FBH1: variants seen among roughly 807,000 people sequenced by gnomAD.
FBH1 encodes the protein DNA 3'-5' helicase 1.
FBH1 carries 43 observed loss-of-function variants against 115.5 expected under a neutral mutation model. The observed-to-expected ratio is 0.37, with a 90% confidence interval of 0.29 to 0.48. The LOEUF (loss-of-function observed/expected upper bound fraction) is 0.48, where lower values mean the gene tolerates loss of function less well. FBH1 is among the 20% of genes least tolerant of loss of function. FBH1 has a pLI of 0.99. For synonymous variants in FBH1, 524 were observed against 507.8 expected (o/e 1.03, Z -0.43); for missense variants, 1,001 against 1,337.3 (o/e 0.75, Z 3.92).
rs1490650399 is a variant in FBH1 at position 5,900,369 on chromosome 10, T to G, written c.2-2651T>G. Among the ~76,000 whole-genome samples, 1 of 152,228 alleles carries G rather than the reference T, an allele frequency of 6.6e-6. No individual in the cohort carries two copies. Among genetic ancestry groups the G allele is most frequent in the Non-Finnish European group, 1.5e-5 (1 of 68,028 alleles). ...TGGTATGGCCGTAGACCTATCAGAC[T>G]TAGAGACCTGAGGTGCCCTGAAGCC... On this transcript the variant is annotated intron_variant, in intron 1 of 20. Transcript: ENST00000362091. The surrounding 1 kb of genome is among the most constrained non-coding windows in gnomAD (Gnocchi z 4.2).
At chr10:5,916,671 AG>A (rs1211685998) in intron 10 of FBH1, among the ~76,000 whole-genome samples, 1 of 129,426 alleles carries the variant, frequency 7.7e-6, no homozygotes, top group African/African-American at 4.4e-5. Context: ...ATGGGGGATC[AG>A]GGGAAGTGTT....
chr10:5,909,252 G>T lies in FBH1; in HGVS notation c.978G>T (p.Ala326=), dbSNP rs536473096. The change falls in exon 5 of 21, where the codon GCG becomes GCT. Residue 326 remains alanine (A), a synonymous_variant. Coordinates refer to ENST00000362091, the MANE Select transcript of FBH1 (RefSeq NM_178150.3). This position sits in a 1 kb window ranked among gnomAD's most constrained non-coding sequence, Gnocchi z 4.4. ...RDHPLLPEAE[A]CVRQHLPDLY... ...ACCCCCTCCTCCCCGAGGCTGAGGC[G>T]TGTGTGCGGCAACACCTCCCCGACC... 31 of 1,612,564 alleles carry T rather than the reference G, an allele frequency of 1.9e-5. No homozygotes were observed. The highest frequency in any genetic ancestry group is 2.5e-5 in the Non-Finnish European group (29 of 1,180,024).
rs1306050558 is a variant in FBH1, at chr10:5,890,349, G to A, written c.1+3G>A. The A allele has an allele frequency of 8.0e-6, 3 of 376,022 alleles. No individual in the cohort carries two copies. The highest frequency in any genetic ancestry group is 4.3e-5 in the African/African-American group (2 of 46,914). The allele number at this position is 376,022 out of a possible 1,614,324, so 23.3% of individuals were successfully genotyped here. On this transcript the variant is annotated splice_donor_region_variant and intron_variant, in intron 1 of 20. Transcript: ENST00000362091. ...GGGTCCGGGTCCGGAGCGCCACAGT[G>A]CGTGAGGCCGCAGACGTGGCAGGGA...
chr10:5,929,200 A>C (rs1832830133), intron 19 of FBH1, among the ~76,000 whole-genome samples: 1 of 152,224 alleles, frequency 6.6e-6, no homozygotes, highest in Admixed American at 6.5e-5. Context: ...GAGGAGATGG[A>C]CAAGAAAGTG....
intron 1 of FBH1, among the ~76,000 whole-genome samples, chr10:5,892,261 C>T (rs568314606): frequency 5.9e-5 from 9 of 152,246 alleles, no homozygotes; most frequent in Non-Finnish European, 1.0e-4. Flanking sequence ...TCCTTGGCTG[C>T]CCTTCCTTTT....
At chr10:5,894,480 A>C in intron 1 of FBH1, 2 of 1,227,068 alleles carry the variant, frequency 1.6e-6, no homozygotes, top group Middle Eastern at 1.9e-4. Context: ...TTGTGTTGGC[A>C]CCATCACTCA....
At chr10:5,898,375 C>A (rs1008791051) in intron 1 of FBH1, among the ~76,000 whole-genome samples, 2 of 152,110 alleles carry the variant, frequency 1.3e-5, no homozygotes, top group Non-Finnish European at 2.9e-5. Flanking sequence ...TTTGTGGGGA[C>A]TCCACCCTTG....
chr10:5,936,401 G>A lies in FBH1; in HGVS notation c.2830-55G>A. The A allele has an allele frequency of 6.3e-7, 1 of 1,596,838 alleles. No homozygotes were observed. The highest frequency in any genetic ancestry group is 8.5e-7 in the Non-Finnish European group (1 of 1,170,316). On this transcript the variant is annotated intron_variant, in intron 19 of 20. Transcript: ENST00000362091. The surrounding 1 kb of genome is among the most constrained non-coding windows in gnomAD (Gnocchi z 5.6). ...AGAGCCGCCGCTATCAGTGTTTCCA[G>A]TAGACCCTAACGGAGGTGTCGCCAT... is the stretch of plus-strand genomic sequence containing the variant.
chr10:5,924,440 A>G lies in FBH1; in HGVS notation c.2528A>G (p.Tyr843Cys). The change falls in exon 17 of 21, where the codon TAT becomes TGT. Residue 843 changes from tyrosine to cysteine, a missense_variant. Transcript: ENST00000362091. This position sits in a 1 kb window ranked among gnomAD's most constrained non-coding sequence, Gnocchi z 6.2. ...GCCAAGATCGCAGTTGTTGAAAAGT[A>G]TAACATCAGGATTCCAGAGCTGGTG... ...LEAKIAVVEK[Y>C]NIRIPELVQR... is the part of the protein sequence containing the mutation. The G allele has an allele frequency of 6.2e-7, 1 of 1,614,240 alleles. No individual in the cohort carries two copies. Among genetic ancestry groups the G allele is most frequent in the Non-Finnish European group, 8.5e-7 (1 of 1,180,028 alleles).
At position 5,894,182 on chromosome 10, in the gene FBH1, A is replaced by G. The variant is rs541218570; in HGVS notation, c.1+3836A>G. ...TACCTGGGAAAGGAGCTGGAGCTCTATTTTGCTTGCTTTCTGCATTCGTTT... is the reference window on the plus strand; with the variant it reads ...TACCTGGGAAAGGAGCTGGAGCTCTGTTTTGCTTGCTTTCTGCATTCGTTT... On this transcript the variant is annotated intron_variant, in intron 1 of 20. Transcript: ENST00000362091. 5.6e-4 allele frequency: 548 copies of G among 985,364 alleles called. 7 individuals carry two copies. The South Asian group carries it at 0.023, about 40-fold the overall frequency. The allele number at this position is 985,364 out of a possible 1,614,324, so 61.0% of individuals were successfully genotyped here. A position where few individuals can be genotyped will look rare whatever the true frequency, so the allele number is the denominator to read the frequency against.
At chr10:5,919,795 C>T (rs1299611725) in intron 13 of FBH1, among the ~76,000 whole-genome samples, 1 of 152,148 alleles carries the variant, frequency 6.6e-6, no homozygotes, top group Non-Finnish European at 1.5e-5. Context: ...TTTAGGGTAG[C>T]GTCACTGCAG....
intron 1 of FBH1, among the ~76,000 whole-genome samples, chr10:5,891,673 G>A (rs1245147774): frequency 1.3e-5 from 2 of 152,298 alleles, no homozygotes; most frequent in African/African-American, 4.8e-5. Flanking sequence ...GCAGTGGCAC[G>A]ATCTCGGCTC....
rs1832623909 is a variant in FBH1 at position 5,925,999 on chromosome 10, A to AG, written c.2722+509dup. Among the ~76,000 whole-genome samples the AG allele has an allele frequency of 6.6e-6, 1 of 152,194 alleles. No homozygotes were observed. The highest frequency in any genetic ancestry group is 2.1e-4 in the South Asian group (1 of 4,826). ...TTGCTCAGGCTGGTCTCAAAGTCTTAGGCTCAAGCGATCCTCCCACTTCAG... is the reference window on the plus strand; with the variant it reads ...TTGCTCAGGCTGGTCTCAAAGTCTTAGGGCTCAAGCGATCCTCCCACTTCAG... On this transcript the variant is annotated intron_variant, in intron 18 of 20. Coordinates refer to ENST00000362091, the MANE Select transcript of FBH1 (RefSeq NM_178150.3). This position sits in a 1 kb window ranked among gnomAD's most constrained non-coding sequence, Gnocchi z 4.6.
At chr10:5,891,984 C>T (rs1290020102) in intron 1 of FBH1, among the ~76,000 whole-genome samples, 1 of 152,216 alleles carries the variant, frequency 6.6e-6, no homozygotes, top group African/African-American at 2.4e-5. Flanking sequence ...CCTCTTGTGT[C>T]TTCTCTATGA....
intron 19 of FBH1, among the ~76,000 whole-genome samples, chr10:5,928,863 A>G (rs1366548521): frequency 6.6e-6 from 1 of 152,166 alleles, no homozygotes; most frequent in Non-Finnish European, 1.5e-5. Context: ...GTTAATATAA[A>G]TACTCTTTCT....
At position 5,897,040 on chromosome 10, in the gene FBH1, C is replaced by A. The variant is rs535410623; in HGVS notation, c.2-5980C>A. ...TGTAGTGTTTTGGTTTTATTTTTAA[C>A]CATTTAGCAAGAACATTAATGCTAT... On this transcript the variant is annotated intron_variant, in intron 1 of 20. Transcript: ENST00000362091. This position sits in a 1 kb window ranked among gnomAD's most constrained non-coding sequence, Gnocchi z 4.7. Among the ~76,000 whole-genome samples the A allele has an allele frequency of 6.6e-6, 1 of 152,212 alleles. No individual in the cohort carries two copies. The highest frequency in any genetic ancestry group is 2.1e-4 in the South Asian group (1 of 4,824).
chr10:5,907,231 C>T (rs1387489961), intron 3 of FBH1, among the ~76,000 whole-genome samples: 1 of 152,206 alleles, frequency 6.6e-6, no homozygotes, highest in Non-Finnish European at 1.5e-5. Context: ...CTCCCAAGTG[C>T]TGGGGTTACA....
At position 5,924,899 on chromosome 10, in the gene FBH1, T is replaced by C. The variant is rs1832548502; in HGVS notation, c.2596+391T>C. On this transcript the variant is annotated intron_variant, in intron 17 of 20. Transcript: ENST00000362091. The surrounding 1 kb of genome is among the most constrained non-coding windows in gnomAD (Gnocchi z 6.2). ...TGTTTCTTCCCTGTGTGGAATATCT[T>C]TGAGCAAGGATGGCTTTATTGCTTA... is the stretch of plus-strand genomic sequence containing the variant. 5.4e-6 allele frequency: 2 copies of C among 372,668 alleles called. No homozygotes were observed. The highest frequency in any genetic ancestry group is 7.3e-5 in the East Asian group (1 of 13,772). The allele number at this position is 372,668 out of a possible 1,614,324, so 23.1% of individuals were successfully genotyped here.
At position 5,923,810 on chromosome 10, in the gene FBH1, C is replaced by A; in HGVS notation, c.2398+114C>A. The A allele has an allele frequency of 2.1e-6, 2 of 947,236 alleles. No homozygotes were observed. The highest frequency in any genetic ancestry group is 1.5e-5 in the South Asian group (1 of 66,696). The allele number at this position is 947,236 out of a possible 1,614,324, so 58.7% of individuals were successfully genotyped here. A position where few individuals can be genotyped will look rare whatever the true frequency, so the allele number is the denominator to read the frequency against. ...CCGTTTCCCTCCAGAGAAGGGCGAGCTAGTGTTGCTGTCTTCCCATGACGA... is the reference window on the plus strand; with the variant it reads ...CCGTTTCCCTCCAGAGAAGGGCGAGATAGTGTTGCTGTCTTCCCATGACGA... On this transcript the variant is annotated intron_variant, in intron 16 of 20. Coordinates refer to ENST00000362091, the MANE Select transcript of FBH1 (RefSeq NM_178150.3). This position sits in a 1 kb window ranked among gnomAD's most constrained non-coding sequence, Gnocchi z 5.7.
Sources: allele counts gnomAD v4.1 joint callset (sites outside exome capture counted in the v4.1 genomes callset), GRCh38; gene constraint gnomAD v4.1.1; non-coding constraint Gnocchi (gnomAD v3.1); transcripts MANE v1.5; gene names NCBI Gene and HGNC (gene_info 2026-07-23, HGNC 2026-07-21).